Variants in GALNT18 observed in about 807,000 individuals in gnomAD.
The protein encoded by GALNT18 is polypeptide N-acetylgalactosaminyltransferase 18, also known as GalNAc-transferase 18.
Under a neutral mutation model 69.5 loss-of-function variants are expected in GALNT18, and 44 were observed. The ratio of observed to expected loss-of-function variants is 0.63; its 90% CI spans 0.50 to 0.81. The LOEUF (loss-of-function observed/expected upper bound fraction) is 0.81. Among genes scored for constraint, GALNT18 ranks in the 40% least tolerant of loss-of-function variants. The pLI, the probability that GALNT18 is intolerant of heterozygous loss-of-function variation, is 0.00. For missense variants in GALNT18, 715 were observed against 810.0 expected, an observed-to-expected ratio of 0.88 and a Z score of 1.42; for synonymous variants, 364 against 318.2, an observed-to-expected ratio of 1.14 and a Z score of -1.53.
chr11:11,345,629 G>A (rs909986606), intron 6 of GALNT18, among the ~76,000 whole-genome samples: 1 of 151,960 alleles, frequency 6.6e-6, no homozygotes, highest in African/African-American at 2.4e-5. Context: ...ACCAGAGGGA[G>A]GATATACACA....
rs908780553 is a variant in GALNT18 at position 11,402,088 on chromosome 11, G to A, written c.596-22824C>T. Among the ~76,000 whole-genome samples, 3 of 152,210 alleles carry A rather than the reference G, an allele frequency of 2.0e-5. No individual in the cohort carries two copies. The highest frequency in any genetic ancestry group is 6.5e-5 in the Admixed American group (1 of 15,284). On this transcript the variant is annotated intron_variant, in intron 3 of 10. Transcript: ENST00000227756. This position sits in a 1 kb window ranked among gnomAD's most constrained non-coding sequence, Gnocchi z 4.0. ...GATGAAGTAGGCTTACATATTATTA[G>A]GTGAATTCAAGGTAATCACAGATGG...
chr11:11,585,676 C>T (rs1411732083), intron 1 of GALNT18, among the ~76,000 whole-genome samples: 1 of 152,128 alleles, frequency 6.6e-6, no homozygotes. Flanking sequence ...TTTCATACTT[C>T]AACCAAAACA....
intron 3 of GALNT18, among the ~76,000 whole-genome samples, chr11:11,398,805 A>T: frequency 6.6e-6 from 1 of 152,252 alleles, no homozygotes; most frequent in Non-Finnish European, 1.5e-5. Context: ...TAACTCAAGC[A>T]CAGGCAAGAT....
intron 10 of GALNT18, 126 bp from the exon 11 acceptor site, chr11:11,271,416 A>G (rs1038449698): frequency 3.2e-6 from 3 of 947,400 alleles, no homozygotes; most frequent in Non-Finnish European, 4.9e-6. Context: ...GGAGGTCAGC[A>G]TTCCCATGAA....
chr11:11,314,996 CA>C lies in GALNT18; in HGVS notation c.1512+12089del, dbSNP rs1319569236. 6.6e-6 allele frequency among the ~76,000 whole-genome samples: 1 copy of C among 152,008 alleles called. No homozygotes were observed. The highest frequency in any genetic ancestry group is 2.4e-5 in the African/African-American group (1 of 41,372). ...GTGGTTTTAAGATTACATCAACTGA[CA>C]TACTGAAAGTGTCTAGCAGAGATGG... On this transcript the variant is annotated intron_variant, in intron 9 of 10. Transcript: ENST00000227756. The surrounding 1 kb of genome is among the most constrained non-coding windows in gnomAD (Gnocchi z 5.2).
At chr11:11,277,900 TGA>T (rs1487782247) in intron 10 of GALNT18, among the ~76,000 whole-genome samples, 1 of 152,194 alleles carries the variant, frequency 6.6e-6, no homozygotes, top group Non-Finnish European at 1.5e-5. Flanking sequence ...TTGCAATTGC[TGA>T]GGAGTGTTTT....
chr11:11,335,184 G>C (rs1850089997), intron 7 of GALNT18, among the ~76,000 whole-genome samples: 1 of 152,174 alleles, frequency 6.6e-6, no homozygotes, highest in African/African-American at 2.4e-5. Flanking sequence ...CTTAGGAACA[G>C]GGCAAAGTTT....
At chr11:11,561,460 G>A (rs1397687449) in intron 1 of GALNT18, among the ~76,000 whole-genome samples, 1 of 152,182 alleles carries the variant, frequency 6.6e-6, no homozygotes, top group African/African-American at 2.4e-5. Context: ...TAAGCATTGT[G>A]ACACTCAGTT....
At chr11:11,594,524 G>A (rs1859440625) in intron 1 of GALNT18, among the ~76,000 whole-genome samples, 1 of 152,014 alleles carries the variant, frequency 6.6e-6, no homozygotes, top group African/African-American at 2.4e-5. Context: ...TCTACTTTCT[G>A]TCTCTATAGA....
At position 11,444,796 on chromosome 11, in the gene GALNT18, CA is replaced by C. The variant is rs1272655684; in HGVS notation, c.428+3947del. Among the ~76,000 whole-genome samples, 1 of 152,080 alleles carries C rather than the reference CA, an allele frequency of 6.6e-6. No individual in the cohort carries two copies. Among genetic ancestry groups the C allele is most frequent in the Non-Finnish European group, 1.5e-5 (1 of 68,032 alleles). ...TTTGGAAGAAAAGAGCCAAGAATAC[CA>C]AGAGCAAAGTGTGGAATACAAGCAG... On this transcript the variant is annotated intron_variant, in intron 2 of 10. Transcript: ENST00000227756. The surrounding 1 kb of genome is among the most constrained non-coding windows in gnomAD (Gnocchi z 4.4).
At chr11:11,296,803 G>A (rs781686080) in intron 9 of GALNT18, among the ~76,000 whole-genome samples, 5 of 152,274 alleles carry the variant, frequency 3.3e-5, no homozygotes, top group East Asian at 1.9e-4. Flanking sequence ...CTTGACTGGC[G>A]TAATCACAAG....
intron 1 of GALNT18, among the ~76,000 whole-genome samples, chr11:11,610,544 T>C (rs114010690): frequency 1.3e-5 from 2 of 151,832 alleles, no homozygotes; most frequent in African/African-American, 4.9e-5. Context: ...TCCTCACTGG[T>C]TTTTTTTCCC....
intron 6 of GALNT18, among the ~76,000 whole-genome samples, chr11:11,346,009 T>C (rs10831593): frequency 0.95 from 145,126 of 152,264 alleles, 69,527 homozygotes; most frequent in East Asian, 1. Context: ...AAGTTCTTTC[T>C]TCTCTCTGTG....
At chr11:11,513,649 GT>G (rs1857208035) in intron 1 of GALNT18, among the ~76,000 whole-genome samples, 1 of 152,192 alleles carries the variant, frequency 6.6e-6, no homozygotes, top group African/African-American at 2.4e-5. Context: ...AATCCAATCT[GT>G]TTTGTTCAAG....
At chr11:11,299,566 T>C (rs1187140683) in intron 9 of GALNT18, among the ~76,000 whole-genome samples, 2 of 152,246 alleles carry the variant, frequency 1.3e-5, no homozygotes, top group Non-Finnish European at 2.9e-5. Flanking sequence ...ACTGAGAGCA[T>C]AGGATGTTTG....
At position 11,387,581 on chromosome 11, in the gene GALNT18, T is replaced by C. The variant is rs971312347; in HGVS notation, c.596-8317A>G. ...GCTTGTCTTCTTCAGATCAGAAGAT[T>C]AACTGGCTTTTCTCTGAAGCCATTT... On this transcript the variant is annotated intron_variant, in intron 3 of 10. Coordinates refer to ENST00000227756, the MANE Select transcript of GALNT18 (RefSeq NM_198516.3). The surrounding 1 kb of genome is among the most constrained non-coding windows in gnomAD (Gnocchi z 4.6). Among the ~76,000 whole-genome samples the C allele has an allele frequency of 7.2e-5, 11 of 152,270 alleles. No individual in the cohort carries two copies. Among genetic ancestry groups the C allele is most frequent in the Non-Finnish European group, 1.6e-4 (11 of 68,048 alleles).
chr11:11,504,177 G>A (rs941088086), intron 1 of GALNT18, among the ~76,000 whole-genome samples: 1 of 152,178 alleles, frequency 6.6e-6, no homozygotes, highest in South Asian at 2.1e-4. Context: ...TAAGTGCTCA[G>A]TAAGTATGTG....
chr11:11,549,125 T>C (rs1858131480), intron 1 of GALNT18, among the ~76,000 whole-genome samples: 1 of 152,180 alleles, frequency 6.6e-6, no homozygotes, highest in Non-Finnish European at 1.5e-5. Context: ...TGCTTCTCCA[T>C]CCTCCTTCCT....
At chr11:11,599,463 C>T (rs1859581983) in intron 1 of GALNT18, among the ~76,000 whole-genome samples, 1 of 151,702 alleles carries the variant, frequency 6.6e-6, no homozygotes, top group South Asian at 2.1e-4. Context: ...TTTCTTCATC[C>T]TTTCTCTTTC....
Sources: gnomAD v4.1 joint callset for allele counts (sites outside exome capture counted in the v4.1 genomes callset) on GRCh38, gnomAD v4.1.1 for gene constraint, Gnocchi (gnomAD v3.1) non-coding constraint, MANE v1.5 for transcripts, NCBI Gene and HGNC (gene_info 2026-07-23, HGNC 2026-07-21) for gene names.